Variants in MSH4 observed in about 807,000 individuals in gnomAD.
MSH4 encodes mutS homolog 4, also known as mutS protein homolog 4.
MSH4 carries 106 observed loss-of-function variants against 113.7 expected under a neutral mutation model. The ratio of observed to expected loss-of-function variants is 0.93; its 90% confidence interval spans 0.80 to 1.10. MSH4 has a LOEUF of 1.10. Among genes scored for constraint, MSH4 ranks in the 50% least tolerant of loss-of-function variants. The probability of loss-of-function intolerance (pLI) is 0.00; values close to 1 mark genes in which losing one functional copy is unlikely to be tolerated. For missense variants in MSH4, 1,061 were observed against 1,093.7 expected, an observed-to-expected ratio of 0.97 and a Z score of 0.42; for synonymous variants, 368 against 380.2, an observed-to-expected ratio of 0.97 and a Z score of 0.37.
rs187880692 is a variant in MSH4, at chr1:75,831,567, C to G, written c.1162+8986C>G. ...ACTCCTCAGCAAATGTAAAAGAACACAAATTATAACAAACTGTCTCTCAGA... is the reference window on the plus strand; with the variant it reads ...ACTCCTCAGCAAATGTAAAAGAACAGAAATTATAACAAACTGTCTCTCAGA... On this transcript the variant is annotated intron_variant, in intron 7 of 19. Transcript: ENST00000263187. 6.1e-4 allele frequency among the ~76,000 whole-genome samples: 92 copies of G among 151,784 alleles called. No homozygotes were observed. In the Middle Eastern group the frequency reaches 0.01, roughly 17 times the overall value.
intron 6 of MSH4, among the ~76,000 whole-genome samples, chr1:75,819,340 A>G (rs1455389923): frequency 6.6e-6 from 1 of 152,064 alleles, no homozygotes; most frequent in East Asian, 1.9e-4. Flanking sequence ...CAAAAATACA[A>G]AATTTAGCCA....
intron 8 of MSH4, among the ~76,000 whole-genome samples, chr1:75,861,224 G>A (rs1054247145): frequency 2.0e-5 from 3 of 152,066 alleles, no homozygotes; most frequent in Admixed American, 6.6e-5. Flanking sequence ...CTTTAGCTTG[G>A]AGAAGTTTGT....
intron 14 of MSH4, among the ~76,000 whole-genome samples, chr1:75,882,938 C>T (rs970609061): frequency 6.6e-6 from 1 of 152,034 alleles, no homozygotes; most frequent in African/African-American, 2.4e-5. Context: ...ATATGCAACT[C>T]TGTATTACCA....
chr1:75,903,869 C>T (rs774877527), intron 19 of MSH4, among the ~76,000 whole-genome samples: 8 of 152,018 alleles, frequency 5.3e-5, no homozygotes, highest in Non-Finnish European at 1.2e-4. Context: ...CTTTCTCTTG[C>T]TTAATTGCTC....
At chr1:75,859,005 G>C (rs979246722) in intron 8 of MSH4, among the ~76,000 whole-genome samples, 4 of 152,136 alleles carry the variant, frequency 2.6e-5, no homozygotes, top group African/African-American at 9.7e-5. Flanking sequence ...AGGTGTATGT[G>C]TCCAGGAATT....
At chr1:75,854,095 C>T (rs892164105) in intron 8 of MSH4, among the ~76,000 whole-genome samples, 11 of 147,628 alleles carry the variant, frequency 7.5e-5, no homozygotes, top group African/African-American at 2.5e-4. Context: ...GAAAATCATA[C>T]GTTCATACCA....
chr1:75,898,520 A>AT (rs35302747), intron 18 of MSH4, among the ~76,000 whole-genome samples: 41,162 of 141,488 alleles, frequency 0.29, 6,205 homozygotes, highest in Middle Eastern at 0.38. Context: ...ACCAAACCAT[A>AT]TTTTTTTTTT....
chr1:75,884,356 C>T (rs1570987137), intron 15 of MSH4, among the ~76,000 whole-genome samples: 1 of 152,152 alleles, frequency 6.6e-6, no homozygotes, highest in East Asian at 1.9e-4. Context: ...AACATTGTTA[C>T]CTATTTCTTA....
intron 17 of MSH4, among the ~76,000 whole-genome samples, chr1:75,896,612 T>C (rs1291254554): frequency 6.6e-6 from 1 of 152,034 alleles, no homozygotes; most frequent in African/African-American, 2.4e-5. Flanking sequence ...AGTATTACTT[T>C]ACAATATTAT....
At position 75,889,351 on chromosome 1, in the gene MSH4, T is replaced by C. The variant is rs751219533; in HGVS notation, c.2208T>C (p.Phe736=). The C allele has an allele frequency of 6.7e-7, 1 of 1,489,032 alleles. No individual in the cohort carries two copies. The highest frequency in any genetic ancestry group is 2.4e-5 in the East Asian group (1 of 42,374). The allele number at this position is 1,489,032 out of a possible 1,614,324, so 92.2% of individuals were successfully genotyped here. A position where few individuals can be genotyped will look rare whatever the true frequency, so the allele number is the denominator to read the frequency against. Residue 736 remains phenylalanine (F), a synonymous_variant, in exon 16 of 20, where the codon TTT becomes TTC. Transcript: ENST00000263187. ...ATATCGAAACAAATTCATCAACATT[T>C]ATGAAAGAAATGAAAGAGGTACCCA... ...DDDIETNSST[F]MKEMKEIAYI...
intron 19 of MSH4, among the ~76,000 whole-genome samples, chr1:75,911,628 T>A (rs950245275): frequency 1.3e-5 from 2 of 152,170 alleles, no homozygotes; most frequent in African/African-American, 4.8e-5. Context: ...TACATTTTTG[T>A]ATCCCCCATA....
In MSH4 at chr1:75,897,851, G is replaced by C. The variant is rs553567716; in HGVS notation, c.2356-56G>C. On this transcript the variant is annotated intron_variant, in intron 17 of 19. Coordinates refer to ENST00000263187, the MANE Select transcript of MSH4 (RefSeq NM_002440.4). Reference sequence around the variant, plus strand: ...ATTTTATGTTCACATAGTTAAAATAGAATTTTCTAGTTAATTTTTAAAGTA... The same window carrying C: ...ATTTTATGTTCACATAGTTAAAATACAATTTTCTAGTTAATTTTTAAAGTA... 3.2e-4 allele frequency: 359 copies of C among 1,133,466 alleles called. No individual in the cohort carries two copies. In the African/African-American group the frequency reaches 5.5e-3, roughly 17 times the overall value. The allele number at this position is 1,133,466 out of a possible 1,614,324, so 70.2% of individuals were successfully genotyped here.
intron 11 of MSH4, 133 bp from the exon 12 acceptor site, chr1:75,878,859 G>T: frequency 2.9e-6 from 2 of 692,492 alleles, no homozygotes; most frequent in Non-Finnish European, 2.3e-6. Flanking sequence ...GAGTTTGAAA[G>T]AGCAACAAGA....
At chr1:75,822,651 A>T in intron 7 of MSH4, 70 bp downstream of exon 7, 1 of 847,728 alleles carries the variant, frequency 1.2e-6, no homozygotes, top group Non-Finnish European at 1.7e-6. Flanking sequence ...TTATTTTTCC[A>T]TGTTTCTGAA....
rs770315810 is a variant in MSH4, at chr1:75,889,241, T to C, written c.2108-10T>C. The C allele has an allele frequency of 8.2e-7, 1 of 1,220,388 alleles. No homozygotes were observed. Among genetic ancestry groups the C allele is most frequent in the African/African-American group, 1.5e-5 (1 of 65,344 alleles). 75.6% of individuals were successfully genotyped at this position (1,220,388 alleles called of 1,614,324 possible). On this transcript the variant is annotated splice_polypyrimidine_tract_variant and intron_variant, in intron 15 of 19. Coordinates refer to ENST00000263187, the MANE Select transcript of MSH4 (RefSeq NM_002440.4). ...CACATTTCAGTTTATCTTGACCTTA[T>C]ATTTTACAGGATCATATGTTCCAGC...
intron 8 of MSH4, among the ~76,000 whole-genome samples, chr1:75,852,685 A>G (rs910807113): frequency 5.3e-5 from 8 of 151,986 alleles, no homozygotes; most frequent in Non-Finnish European, 8.8e-5. Flanking sequence ...ATATTTATTA[A>G]TATTATTTGC....
At chr1:75,882,668 A>ATT (rs1557522092) in intron 14 of MSH4, among the ~76,000 whole-genome samples, 1,350 of 79,180 alleles carry the variant, frequency 0.017, 32 homozygotes, top group African/African-American at 0.026. Context: ...ATTTCTAAAA[A>ATT]AAAAAAAAAA....
intron 17 of MSH4, among the ~76,000 whole-genome samples, chr1:75,897,060 T>A (rs5745535): frequency 0.014 from 2,144 of 152,254 alleles, 49 homozygotes; most frequent in African/African-American, 0.048. Flanking sequence ...AATATTTAAA[T>A]TTCCACTGAA....
chr1:75,898,148 C>T, intron 18 of MSH4, 67 bp downstream of exon 18: 1 of 1,067,688 alleles, frequency 9.4e-7, no homozygotes, highest in Non-Finnish European at 1.3e-6. Flanking sequence ...AAACTTTCAT[C>T]TCTTCTTTAC....
Sources: allele counts gnomAD v4.1 joint callset (sites outside exome capture counted in the v4.1 genomes callset), GRCh38; gene constraint gnomAD v4.1.1; transcripts MANE v1.5; gene names NCBI Gene and HGNC (gene_info 2026-07-23, HGNC 2026-07-21).